DIAPH3: variants seen among roughly 807,000 people sequenced by gnomAD.
DIAPH3 encodes protein diaphanous homolog 3.
A neutral mutation model predicts 144.3 loss-of-function variants in DIAPH3; 117 were observed. The ratio of observed to expected loss-of-function variants is 0.81; its 90% CI spans 0.70 to 0.95. DIAPH3 has a LOEUF of 0.95. Ranked by LOEUF, DIAPH3 falls within the 40% of genes least tolerant of loss-of-function variation. The pLI, the probability that DIAPH3 is intolerant of heterozygous loss-of-function variation, is 0.00. For missense variants in DIAPH3, 1,421 were observed against 1,412.7 expected, an observed-to-expected ratio of 1.01 and a Z score of -0.09; for synonymous variants, 519 against 488.9, an observed-to-expected ratio of 1.06 and a Z score of -0.81.
intron 19 of DIAPH3, among the ~76,000 whole-genome samples, chr13:59,915,746 A>T (rs867606816): frequency 3.2e-4 from 48 of 152,224 alleles, no homozygotes; most frequent in African/African-American, 1.1e-3. Context: ...AAGAATTGTT[A>T]GTAAAGGTAA....
At chr13:60,095,159 G>C (rs905713021) in intron 3 of DIAPH3, among the ~76,000 whole-genome samples, 4 of 152,142 alleles carry the variant, frequency 2.6e-5, no homozygotes, top group African/African-American at 9.7e-5. Context: ...AAAAAAGAGA[G>C]AGAGAAAGAA....
intron 27 of DIAPH3, among the ~76,000 whole-genome samples, chr13:59,700,730 T>C (rs1253515279): frequency 6.6e-6 from 1 of 152,172 alleles, no homozygotes; most frequent in Non-Finnish European, 1.5e-5. Context: ...TAAACCTTTA[T>C]TGTGTTAAGC....
chr13:60,063,953 T>C (rs1339482945), intron 4 of DIAPH3, among the ~76,000 whole-genome samples: 2 of 152,122 alleles, frequency 1.3e-5, no homozygotes, highest in Non-Finnish European at 2.9e-5. Flanking sequence ...ATTACTCTCC[T>C]TATACCTCTT....
intron 20 of DIAPH3, among the ~76,000 whole-genome samples, chr13:59,910,122 T>C (rs1017226745): frequency 1.3e-5 from 2 of 151,724 alleles, no homozygotes; most frequent in Admixed American, 6.6e-5. Context: ...ACATGGAAAA[T>C]ATTTCAAAAT....
chr13:59,984,570 G>T (rs1035552276), intron 12 of DIAPH3, among the ~76,000 whole-genome samples: 3 of 151,546 alleles, frequency 2.0e-5, no homozygotes, highest in East Asian at 3.9e-4. Context: ...TTGATAGATC[G>T]CTAGCAAGAC....
intron 1 of DIAPH3, among the ~76,000 whole-genome samples, chr13:60,140,500 G>A (rs1762645875): frequency 6.6e-6 from 1 of 151,976 alleles, no homozygotes. Context: ...ATGGAAAAAT[G>A]CTTACAATAC....
chr13:60,009,805 C>G (rs888264824), intron 8 of DIAPH3, among the ~76,000 whole-genome samples: 1 of 152,200 alleles, frequency 6.6e-6, no homozygotes, highest in African/African-American at 2.4e-5. Flanking sequence ...GCTCCCCTTA[C>G]AGGACTCTGC....
rs555308940 is a variant in DIAPH3, at chr13:60,029,053, G to A, written c.627-12908C>T. Among the ~76,000 whole-genome samples, 97 of 63,220 alleles carry A rather than the reference G, an allele frequency of 1.5e-3. No homozygotes were observed. The South Asian group carries it at 0.063, about 41-fold the overall frequency. 41.5% of individuals were successfully genotyped at this position (63,220 alleles called of 152,430 possible). ...CAGTCTGGTGACAGAGCAAGACTCCGTCTCAAAAAAAAAAGGGGGGATTTT... is the reference window on the plus strand; with the variant it reads ...CAGTCTGGTGACAGAGCAAGACTCCATCTCAAAAAAAAAAGGGGGGATTTT... On this transcript the variant is annotated intron_variant, in intron 5 of 27. Transcript: ENST00000400324.
intron 5 of DIAPH3, among the ~76,000 whole-genome samples, chr13:60,029,984 T>A (rs1276569983): frequency 6.6e-6 from 1 of 152,006 alleles, no homozygotes; most frequent in African/African-American, 2.4e-5. Context: ...CCTCTCTCCA[T>A]CCCTCTGCCA....
chr13:60,096,759 T>G (rs1255456358), intron 3 of DIAPH3, among the ~76,000 whole-genome samples: 4 of 152,132 alleles, frequency 2.6e-5, no homozygotes, highest in African/African-American at 7.2e-5. Flanking sequence ...TCTTCAAGCT[T>G]TGGGCCCTGG....
chr13:60,149,941 T>C (rs1308822956), intron 1 of DIAPH3, among the ~76,000 whole-genome samples: 1 of 152,132 alleles, frequency 6.6e-6, no homozygotes, highest in African/African-American at 2.4e-5. Context: ...ATTGGTGGTC[T>C]AGGATGGAAG....
At chr13:59,742,723 A>AAAAGAAAG (rs1555286615) in intron 27 of DIAPH3, among the ~76,000 whole-genome samples, 4 of 151,450 alleles carry the variant, frequency 2.6e-5, no homozygotes, top group African/African-American at 9.7e-5. Flanking sequence ...GAAAAGAAAG[A>AAAAGAAAG]AAAGAAAGAA....
chr13:59,762,636 T>C (rs2037662808), intron 27 of DIAPH3, among the ~76,000 whole-genome samples: 2 of 152,072 alleles, frequency 1.3e-5, no homozygotes, highest in African/African-American at 2.4e-5. Context: ...TTTTAGTGTC[T>C]ATCATTATGG....
chr13:59,753,428 T>C (rs1051187634), intron 27 of DIAPH3, among the ~76,000 whole-genome samples: 8 of 152,188 alleles, frequency 5.3e-5, no homozygotes, highest in Non-Finnish European at 2.9e-5. Flanking sequence ...GTTTTTGTTA[T>C]ACTGAGTTTT....
intron 17 of DIAPH3, among the ~76,000 whole-genome samples, chr13:59,969,021 A>G (rs544742315): frequency 6.6e-6 from 1 of 152,294 alleles, no homozygotes; most frequent in African/African-American, 2.4e-5. Flanking sequence ...TTTCTTTTTG[A>G]AAATTAAAAG....
intron 27 of DIAPH3, among the ~76,000 whole-genome samples, chr13:59,687,629 T>C (rs577725769): frequency 7.9e-5 from 12 of 152,148 alleles, no homozygotes; most frequent in African/African-American, 2.9e-4. Flanking sequence ...TGAAATGATA[T>C]ATTGAAAAAA....
chr13:60,008,736 A>C (rs1594316561), intron 8 of DIAPH3, 87 bp from the exon 9 acceptor site: 7 of 833,076 alleles, frequency 8.4e-6, no homozygotes. Flanking sequence ...AGAAGTCAAT[A>C]CCCTAAGCAG....
intron 4 of DIAPH3, among the ~76,000 whole-genome samples, chr13:60,092,798 G>A (rs2057992598): frequency 6.6e-6 from 1 of 152,214 alleles, no homozygotes; most frequent in African/African-American, 2.4e-5. Context: ...CAGAGTCAAT[G>A]ACTGGTCTAG....
intron 5 of DIAPH3, chr13:60,034,511 T>A (rs555376849): frequency 6.6e-6 from 1 of 152,214 alleles, no homozygotes; most frequent in Non-Finnish European, 1.5e-5. Context: ...ACAGTGGCTA[T>A]TCACAAGCAC....
Sources: gnomAD v4.1 joint callset for allele counts (sites outside exome capture counted in the v4.1 genomes callset) on GRCh38, gnomAD v4.1.1 for gene constraint, MANE v1.5 for transcripts, NCBI Gene and HGNC (gene_info 2026-07-23, HGNC 2026-07-21) for gene names.